The following RANGAP1 variants were observed in gnomAD, a reference collection of about 807,000 sequenced individuals.
RANGAP1 encodes the protein Ran GTPase activating protein 1, also known as ran GTPase-activating protein 1.
Under a neutral mutation model 63.5 loss-of-function variants are expected in RANGAP1, and 38 were observed. The ratio of observed to expected loss-of-function variants is 0.60; its 90% confidence interval spans 0.46 to 0.78. The LOEUF (loss-of-function observed/expected upper bound fraction) is 0.78. RANGAP1 is among the 30% of genes least tolerant of loss of function. The pLI, the probability that RANGAP1 is intolerant of heterozygous loss-of-function variation, is 0.00. For missense variants in RANGAP1, 630 were observed against 740.3 expected, an observed-to-expected ratio of 0.85 and a Z score of 1.73; for synonymous variants, 329 against 310.5, an observed-to-expected ratio of 1.06 and a Z score of -0.63.
Position 41,256,752 on chromosome 22 carries a change from C to G in RANGAP1, c.847G>C (p.Ala283Pro). 1 of 1,614,136 alleles carries G rather than the reference C, an allele frequency of 6.2e-7. No individual in the cohort carries two copies. Among genetic ancestry groups the G allele is most frequent in the Non-Finnish European group, 8.5e-7 (1 of 1,180,032 alleles). ...CCGCCGCGGATGGCATCTGCAATGG[C>G]AACTGCACCCTTGGAGCGCACCAGG... ...DCLVRSKGAV[A>P]IADAIRGGLP... The change falls in exon 8 of 16, where the codon GCC (alanine) becomes CCC (proline). Residue 283 changes from alanine (A) to proline (P), a missense_variant. Ala to Pro is a conservative substitution (Grantham distance 27). This residue lies in a region of RANGAP1 where 428 missense variants were observed against 465.5 expected (regional missense o/e 0.92). Transcript: ENST00000356244.
chr22:41,265,854 A>G (rs9623367), intron 4 of RANGAP1, among the ~76,000 whole-genome samples: 6,876 of 152,198 alleles, frequency 0.045, 516 homozygotes, highest in African/African-American at 0.16. Flanking sequence ...CCATCCTCCC[A>G]CCACTCAGTA....
chr22:41,252,866 T>A lies in RANGAP1; in HGVS notation c.1380+6A>T. ...TACAGCGTGGGGGTCGAGGGGTGGT[T>A]ATTACCTGCTGGGCTATCAGCACGG... On this transcript the variant is annotated splice_donor_region_variant and intron_variant, in intron 12 of 15. Transcript: ENST00000356244. 1 of 1,568,104 alleles carries A rather than the reference T, an allele frequency of 6.4e-7. No individual in the cohort carries two copies.
chr22:41,271,223 T>C (rs1342145114), intron 3 of RANGAP1, among the ~76,000 whole-genome samples: 1 of 145,750 alleles, frequency 6.9e-6, no homozygotes, highest in Non-Finnish European at 1.5e-5. Flanking sequence ...GACCCCATCA[T>C]TAAAAAAAAA....
At chr22:41,256,689 C>T (rs762266960) in intron 8 of RANGAP1, 22 bp downstream of exon 8, 20 of 1,604,026 alleles carry the variant, frequency 1.2e-5, no homozygotes, top group East Asian at 8.9e-5. Context: ...AGAGGGAGGA[C>T]GTCAGGCGTC....
intron 2 of RANGAP1, 150 bp from the exon 3 acceptor site, chr22:41,274,877 T>C (rs570296110): frequency 1.0e-6 from 1 of 991,838 alleles, no homozygotes; most frequent in South Asian, 1.5e-5. Flanking sequence ...GACAGGCTCA[T>C]GGTCCAGAGT....
intron 5 of RANGAP1, among the ~76,000 whole-genome samples, chr22:41,263,893 C>T (rs2145754826): frequency 6.6e-6 from 1 of 152,388 alleles, no homozygotes; most frequent in Admixed American, 6.5e-5. Flanking sequence ...ATCCACTCCA[C>T]CCCATCTCTC....
chr22:41,289,797 G>C (rs2035817191), upstream of RANGAP1, among the ~76,000 whole-genome samples: 1 of 152,030 alleles, frequency 6.6e-6, no homozygotes, highest in Non-Finnish European at 1.5e-5. Flanking sequence ...AGACTATCTT[G>C]TTCCTTATTT....
chr22:41,261,613 G>A (rs537706617), intron 5 of RANGAP1, 33 bp from the exon 6 acceptor site: 1 of 1,613,740 alleles, frequency 6.2e-7, no homozygotes, highest in Non-Finnish European at 8.5e-7. Flanking sequence ...CTGGTCATGG[G>A]CAGGAGCCCC....
At chr22:41,259,246 G>C (rs1347046936) in intron 6 of RANGAP1, among the ~76,000 whole-genome samples, 1 of 152,072 alleles carries the variant, frequency 6.6e-6, no homozygotes, top group Non-Finnish European at 1.5e-5. Context: ...CTGTGCCAAG[G>C]AATCTTCTGC....
rs1030035744 is a variant in RANGAP1, at chr22:41,252,810, T to G, written c.1380+62A>C. 9 of 1,460,392 alleles carry G rather than the reference T, an allele frequency of 6.2e-6. No homozygotes were observed. In the African/African-American group the frequency reaches 1.3e-4, roughly 22 times the overall value. The allele number at this position is 1,460,392 out of a possible 1,614,324, so 90.5% of individuals were successfully genotyped here. ...CCAGGTCTCTGAGCTGTTCGTCCCT[T>G]TTCTCTAACAGCTCCAGAAGCCACA... On this transcript the variant is annotated intron_variant, in intron 12 of 15. Transcript: ENST00000356244.
In RANGAP1 at chr22:41,246,631, CTG is replaced by C. The variant is rs2033051044; in HGVS notation, c.1734_1735del (p.His578GlnfsTer23). 5 of 1,564,126 alleles carry C rather than the reference CTG, an allele frequency of 3.2e-6. No individual in the cohort carries two copies. Among genetic ancestry groups the C allele is most frequent in the Non-Finnish European group, 4.3e-6 (5 of 1,153,326 alleles). ...GACCTTGTACAGCGTCTGCAGCAGA[CTG>C]TGGCGGGCGAAGGAGCAGGATTCCA... On this transcript the variant is annotated frameshift_variant, in exon 16 of 16. Coordinates refer to ENST00000356244, the MANE Select transcript of RANGAP1 (RefSeq NM_002883.4). LOFTEE classifies it high-confidence loss of function.
At chr22:41,275,036 C>T (rs752956847) in intron 2 of RANGAP1, among the ~76,000 whole-genome samples, 4 of 151,962 alleles carry the variant, frequency 2.6e-5, no homozygotes, top group Admixed American at 6.6e-5. Context: ...CAAAGATGGG[C>T]AGTGTACCAG....
intron 1 of RANGAP1, among the ~76,000 whole-genome samples, chr22:41,282,916 C>T (rs560827393): frequency 1.1e-4 from 16 of 152,238 alleles, no homozygotes; most frequent in South Asian, 6.2e-4. Flanking sequence ...GGGTGCTATC[C>T]GAAAGGCCTC....
rs1289213140 is a variant in RANGAP1 at position 41,256,704 on chromosome 22, C to G, written c.888+7G>C. The G allele has an allele frequency of 1.2e-6, 2 of 1,612,808 alleles. No homozygotes were observed. Among genetic ancestry groups the G allele is most frequent in the South Asian group, 2.2e-5 (2 of 91,052 alleles). ...AGAGGGAGGACGTCAGGCGTCCAGG[C>G]TGGCACCTTTAGCTTGGGCAGGCCG... is the stretch of plus-strand genomic sequence containing the variant. On this transcript the variant is annotated splice_region_variant and intron_variant, in intron 8 of 15. Transcript: ENST00000356244.
chr22:41,293,780 AAG>A, the RANGAP1 span, among the ~76,000 whole-genome samples: 2,122 of 83,020 alleles, frequency 0.026, 85 homozygotes, highest in African/African-American at 0.061. Context: ...AAAAAAAAAA[AAG>A]AAAAGAAATA....
At chr22:41,294,525 G>A in the RANGAP1 span, among the ~76,000 whole-genome samples, 1 of 147,984 alleles carries the variant, frequency 6.8e-6, no homozygotes. Flanking sequence ...CGTCTGGGAT[G>A]TGAGGAGCCC....
chr22:41,251,164 G>C, intron 12 of RANGAP1, 55 bp from the exon 13 acceptor site: 2 of 1,431,504 alleles, frequency 1.4e-6, no homozygotes, highest in Non-Finnish European at 2.0e-6. Flanking sequence ...GAGGTACCTG[G>C]GCTCTGACGC....
intron 2 of RANGAP1, among the ~76,000 whole-genome samples, chr22:41,278,943 C>G (rs185937615): frequency 2.0e-5 from 3 of 152,024 alleles, no homozygotes; most frequent in Non-Finnish European, 4.4e-5. Context: ...TCGAGACCAT[C>G]TTGGCTAACT....
At chr22:41,282,847 A>C (rs965207851) in intron 1 of RANGAP1, among the ~76,000 whole-genome samples, 1 of 152,192 alleles carries the variant, frequency 6.6e-6, no homozygotes. Flanking sequence ...CAAAAAAAGA[A>C]AAGAAACAGC....
Sources: gnomAD v4.1 joint callset for allele counts (sites outside exome capture counted in the v4.1 genomes callset) on GRCh38, gnomAD v4.1.1 for gene constraint, gnomAD v4.1.1 regional missense constraint, MANE v1.5 for transcripts, NCBI Gene and HGNC (gene_info 2026-07-23, HGNC 2026-07-21) for gene names.